STAB2: variants seen among roughly 807,000 people sequenced by gnomAD.
STAB2 encodes the protein stabilin 2.
Under a neutral mutation model 338.1 loss-of-function variants are expected in STAB2, and 288 were observed. That is an observed-to-expected ratio of 0.85 (90% CI 0.77 to 0.94). STAB2 has a LOEUF of 0.94. Ranked by LOEUF, STAB2 falls within the 40% of genes least tolerant of loss-of-function variation. The pLI, the probability that STAB2 is intolerant of heterozygous loss-of-function variation, is 0.00. For synonymous variants in STAB2, 1,202 were observed against 1,193.3 expected, an observed-to-expected ratio of 1.01 and a Z score of -0.15; for missense variants, 3,141 against 3,210.1, an observed-to-expected ratio of 0.98 and a Z score of 0.52.
intron 27 of STAB2, among the ~76,000 whole-genome samples, chr12:103,686,855 T>G (rs1013023913): frequency 6.6e-6 from 1 of 152,086 alleles, no homozygotes; most frequent in Middle Eastern, 3.2e-3. Flanking sequence ...CAGCTCCAGG[T>G]CTGCCATGTT....
rs1359885705 is a variant in STAB2 at position 103,728,365 on chromosome 12, C to G, written c.4936-484C>G. 2.0e-5 allele frequency among the ~76,000 whole-genome samples: 3 copies of G among 152,192 alleles called. No homozygotes were observed. The East Asian group carries it at 5.8e-4, about 29-fold the overall frequency. On this transcript the variant is annotated intron_variant, in intron 47 of 68. Coordinates refer to ENST00000388887, the MANE Select transcript of STAB2 (RefSeq NM_017564.10). The stretch of plus-strand genomic sequence containing the variant: ...CCTCAAGTGATCCACCCGCCTCGGC[C>G]TCCCAGAGTGCTGGGATTACAGGCA...
intron 43 of STAB2, 101 bp from the exon 44 acceptor site, chr12:103,717,669 A>G: frequency 2.2e-6 from 2 of 928,904 alleles, no homozygotes; most frequent in Non-Finnish European, 3.5e-6. Flanking sequence ...CTCTCCTAAC[A>G]TTACCATGAC....
chr12:103,729,105 AC>A, intron 48 of STAB2, 110 bp downstream of exon 48: 1 of 1,036,974 alleles, frequency 9.6e-7, no homozygotes, highest in South Asian at 1.5e-5. Context: ...GGAACAGAAA[AC>A]CCAATGCTGC....
intron 17 of STAB2, among the ~76,000 whole-genome samples, chr12:103,661,217 C>CA (rs10548393): frequency 0.024 from 2,509 of 105,978 alleles, 37 homozygotes; most frequent in East Asian, 0.039. Flanking sequence ...GAGTTCCAGA[C>CA]AAAAAAAAAA....
Position 103,677,468 on chromosome 12 carries a change from A to G in STAB2, c.2662A>G (p.Thr888Ala). Residue 888 changes from threonine to alanine, a missense_variant, in exon 25 of 69, where the codon ACT becomes GCT. Coordinates refer to ENST00000388887, the MANE Select transcript of STAB2 (RefSeq NM_017564.10). ...GCSRNAECIKTGTGTHTCVCQ... is the reference protein window; with the variant it reads ...GCSRNAECIKAGTGTHTCVCQ... ...CCTCCTGCAGGCAGAATGCATCAAA[A>G]CTGGCACGGGCACCCACACCTGCGT... 2 of 1,612,408 alleles carry G rather than the reference A, an allele frequency of 1.2e-6. No individual in the cohort carries two copies. Among genetic ancestry groups the G allele is most frequent in the African/African-American group, 2.7e-5 (2 of 75,040 alleles).
chr12:103,649,119 T>C (rs186798992), intron 10 of STAB2, among the ~76,000 whole-genome samples: 136 of 152,276 alleles, frequency 8.9e-4, no homozygotes, highest in African/African-American at 3.2e-3. Flanking sequence ...GGACAGCTAC[T>C]GATGTGAGGA....
At chr12:103,630,212 A>C (rs954532508) in intron 5 of STAB2, among the ~76,000 whole-genome samples, 1 of 152,232 alleles carries the variant, frequency 6.6e-6, no homozygotes, top group Non-Finnish European at 1.5e-5. Flanking sequence ...AAAACATGAT[A>C]AAGGCCTCAA....
At position 103,638,114 on chromosome 12, in the gene STAB2, G is replaced by C. The variant is rs1957579562; in HGVS notation, c.808G>C (p.Gly270Arg). The change falls in exon 8 of 69, where the codon GGG becomes CGG. Residue 270 changes from glycine (G) to arginine (R), a missense_variant. Gly to Arg is a moderately radical substitution (Grantham distance 125). Coordinates refer to ENST00000388887, the MANE Select transcript of STAB2 (RefSeq NM_017564.10). ...TTGTACATGCCAAGAAGGCTACCGT[G>C]GGGATGGCCAAGTGTGCTTGCCTGT... Reference protein sequence around the residue: ...HSCTCQEGYRGDGQVCLPVDP... With the variant: ...HSCTCQEGYRRDGQVCLPVDP... The C allele has an allele frequency of 1.9e-6, 3 of 1,614,192 alleles. No individual in the cohort carries two copies. The highest frequency in any genetic ancestry group is 2.5e-6 in the Non-Finnish European group (3 of 1,180,034).
At chr12:103,702,630 A>G (rs1387794593) in intron 34 of STAB2, among the ~76,000 whole-genome samples, 8 of 152,210 alleles carry the variant, frequency 5.3e-5, no homozygotes, top group Non-Finnish European at 1.0e-4. Flanking sequence ...TATAACCATC[A>G]TTAGCCTTTC....
intron 8 of STAB2, 115 bp downstream of exon 8, chr12:103,638,327 G>A: frequency 2.5e-6 from 3 of 1,211,616 alleles, no homozygotes; most frequent in East Asian, 5.1e-5. Flanking sequence ...GTTCCGCTTG[G>A]TCTTCCCCTC....
intron 3 of STAB2, among the ~76,000 whole-genome samples, chr12:103,608,178 G>T (rs927987392): frequency 6.6e-6 from 1 of 152,144 alleles, no homozygotes; most frequent in Non-Finnish European, 1.5e-5. Flanking sequence ...TCGCTCTGTC[G>T]CCCAGGCTGG....
At chr12:103,739,364 GT>G in intron 53 of STAB2, 47 bp from the exon 54 acceptor site, 1 of 1,511,990 alleles carries the variant, frequency 6.6e-7, no homozygotes, top group South Asian at 1.3e-5. Context: ...ATTTCCTTGT[GT>G]TTTCTGATAT....
At chr12:103,680,402 C>T (rs1876792690) in intron 25 of STAB2, among the ~76,000 whole-genome samples, 1 of 152,196 alleles carries the variant, frequency 6.6e-6, no homozygotes, top group Admixed American at 6.5e-5. Context: ...GCTGCTGGTA[C>T]AACATGATTC....
In STAB2 at chr12:103,695,897, T is replaced by C. The variant is rs188024069; in HGVS notation, c.3582+53T>C. 1.6e-5 allele frequency: 24 copies of C among 1,541,880 alleles called. No individual in the cohort carries two copies. In the Admixed American group the frequency reaches 4.0e-4, roughly 26 times the overall value. ...AGTTATTTTGTGAAAATTCAAACAC[T>C]CAGTGTTTGTAATCCATTAGTTGTG... On this transcript the variant is annotated intron_variant, in intron 33 of 68. Coordinates refer to ENST00000388887, the MANE Select transcript of STAB2 (RefSeq NM_017564.10).
At chr12:103,757,232 G>A (rs1191775626) in intron 63 of STAB2, among the ~76,000 whole-genome samples, 1 of 151,532 alleles carries the variant, frequency 6.6e-6, no homozygotes, top group African/African-American at 2.4e-5. Context: ...GGGACTACAG[G>A]CACACACCAC....
In STAB2 at chr12:103,711,511, C is replaced by T. The variant is rs748759636; in HGVS notation, c.4329C>T (p.Ser1443=). 2.7e-5 allele frequency: 44 copies of T among 1,613,996 alleles called. 1 individual carries two copies. Among genetic ancestry groups the T allele is most frequent in the East Asian group, 1.8e-4 (8 of 44,896 alleles). The part of the protein sequence containing the change: ...EDNCNGTCHT[S]ANCLTNSDGT... ...ACTGCAATGGGACATGCCATACCAG[C>T]GCCAAGTAGGTAGCCCTGGGCCACC... The change falls in exon 40 of 69, where the codon AGC becomes AGT. Residue 1443 remains serine, a synonymous_variant. Coordinates refer to ENST00000388887, the MANE Select transcript of STAB2 (RefSeq NM_017564.10).
Position 103,697,270 on chromosome 12 carries a change from A to G in STAB2, c.3582+1426A>G, listed in dbSNP as rs549144583. 5.9e-5 allele frequency among the ~76,000 whole-genome samples: 9 copies of G among 152,326 alleles called. No individual in the cohort carries two copies. In the East Asian group the frequency reaches 1.7e-3, roughly 29 times the overall value. On this transcript the variant is annotated intron_variant, in intron 33 of 68. Transcript: ENST00000388887. ...CAAGTCTTAGCTCTCCAACTAGATTATAAGCTCTGAAGGCAGGGAGAGTGT... is the reference window on the plus strand; with the variant it reads ...CAAGTCTTAGCTCTCCAACTAGATTGTAAGCTCTGAAGGCAGGGAGAGTGT...
chr12:103,757,533 T>G (rs75472396), intron 63 of STAB2, among the ~76,000 whole-genome samples: 17,589 of 152,266 alleles, frequency 0.12, 1,278 homozygotes, highest in East Asian at 0.35. Context: ...GAGCAGGGCT[T>G]GGGGGGCACC....
chr12:103,649,637 A>G (rs1353291219), intron 10 of STAB2, among the ~76,000 whole-genome samples: 2 of 152,242 alleles, frequency 1.3e-5, no homozygotes, highest in Non-Finnish European at 2.9e-5. Flanking sequence ...TGATGGGTCA[A>G]TGCTGTGTTC....
Sources: allele counts gnomAD v4.1 joint callset (sites outside exome capture counted in the v4.1 genomes callset), GRCh38; gene constraint gnomAD v4.1.1; transcripts MANE v1.5; gene names NCBI Gene and HGNC (gene_info 2026-07-23, HGNC 2026-07-21).